MAP1LC3A: variants seen among roughly 807,000 people sequenced by gnomAD.
MAP1LC3A encodes the protein microtubule-associated protein 1 light chain 3 alpha.
A neutral mutation model predicts 15.2 loss-of-function variants in MAP1LC3A; 10 were observed. That is an observed-to-expected ratio of 0.66 (90% CI 0.41 to 1.12). The LOEUF is 1.12. MAP1LC3A is among the 50% of genes most tolerant of loss of function. The pLI is 0.00. For synonymous variants in MAP1LC3A, 63 were observed against 64.3 expected, an observed-to-expected ratio of 0.98 and a Z score of 0.10; for missense variants, 138 against 167.3, an observed-to-expected ratio of 0.82 and a Z score of 0.97.
intron 2 of MAP1LC3A, among the ~76,000 whole-genome samples, chr20:34,551,761 G>GC (rs1796903684): frequency 1.3e-5 from 2 of 152,140 alleles, no homozygotes; most frequent in South Asian, 4.1e-4. Flanking sequence ...ACCGCGCCTG[G>GC]CCATGTTCTC....
chr20:34,550,157 C>A, intron 2 of MAP1LC3A: 1 of 844,390 alleles, frequency 1.2e-6, no homozygotes, highest in Non-Finnish European at 1.9e-6. Flanking sequence ...AAGGCCAGTT[C>A]TCCACTTTTT....
At position 34,559,312 on chromosome 20, in the gene MAP1LC3A, C is replaced by T. The variant is rs533618624; in HGVS notation, c.97-35C>T. On this transcript the variant is annotated intron_variant, in intron 2 of 3. Transcript: ENST00000360668. ...GCCCCGCCCCCGCCTCGCGCGTTCCCGACACGACCCCCTGCCCGCCCGCCC... is the reference window on the plus strand; with the variant it reads ...GCCCCGCCCCCGCCTCGCGCGTTCCTGACACGACCCCCTGCCCGCCCGCCC... 29 of 1,580,290 alleles carry T rather than the reference C, an allele frequency of 1.8e-5. No individual in the cohort carries two copies. The South Asian group carries it at 2.3e-4, about 12-fold the overall frequency.
At chr20:34,552,499 C>CA (rs1198347822) in intron 2 of MAP1LC3A, among the ~76,000 whole-genome samples, 3 of 152,260 alleles carry the variant, frequency 2.0e-5, no homozygotes, top group Non-Finnish European at 4.4e-5. Flanking sequence ...ATGTTCCAGG[C>CA]AAAGGCCCTG....
intron 1 of MAP1LC3A, 35 bp from the exon 2 acceptor site, chr20:34,559,173 C>A (rs113282860): frequency 6.5e-7 from 1 of 1,534,430 alleles, no homozygotes. Context: ...CTGGGCCGGC[C>A]CGACCCGGCC....
upstream of MAP1LC3A, among the ~76,000 whole-genome samples, chr20:34,554,393 T>A (rs6059911): frequency 2.6e-5 from 3 of 113,580 alleles, no homozygotes; most frequent in South Asian, 5.8e-4. Context: ...TTTTTTTTTT[T>A]AGACAAACTC....
chr20:34,551,396 T>G (rs1426203912), intron 2 of MAP1LC3A, among the ~76,000 whole-genome samples: 1 of 150,698 alleles, frequency 6.6e-6, no homozygotes, highest in African/African-American at 2.4e-5. Flanking sequence ...GAAATGAGAA[T>G]AATGATTGCC....
chr20:34,559,953 C>G lies in MAP1LC3A; in HGVS notation c.*55C>G, dbSNP rs1309962955. 1.3e-6 allele frequency: 2 copies of G among 1,547,350 alleles called. No homozygotes were observed. The highest frequency in any genetic ancestry group is 1.7e-6 in the Non-Finnish European group (2 of 1,145,962). ...TCGGGCGGCCCCGGTCAGGCCCTGC[C>G]CAGAGAGCTCCTGGTTCCTGAACTG... is the stretch of plus-strand genomic sequence containing the variant. On this transcript the variant is annotated 3_prime_UTR_variant, in exon 4 of 4. Coordinates refer to ENST00000360668, the MANE Select transcript of MAP1LC3A (RefSeq NM_032514.4).
chr20:34,557,766 A>G (rs539797157), upstream of MAP1LC3A, among the ~76,000 whole-genome samples: 1 of 152,192 alleles, frequency 6.6e-6, no homozygotes, highest in African/African-American at 2.4e-5. Context: ...CTCTACTAAA[A>G]ATACAATAAT....
rs1982353506 is a variant in MAP1LC3A at position 34,559,657 on chromosome 20, G to A, written c.204-79G>A. The stretch of plus-strand genomic sequence containing the variant: ...GGGTGAGAATGGGTGTGAAAGGCTG[G>A]GAATCATTCTGGGGGTCAGGGCTAT... On this transcript the variant is annotated intron_variant, in intron 3 of 3. Coordinates refer to ENST00000360668, the MANE Select transcript of MAP1LC3A (RefSeq NM_032514.4). The A allele has an allele frequency of 8.9e-6, 13 of 1,457,138 alleles. 1 individual carries two copies. The South Asian group carries it at 1.5e-4, about 17-fold the overall frequency. The allele number at this position is 1,457,138 out of a possible 1,614,324, so 90.3% of individuals were successfully genotyped here. A position where few individuals can be genotyped will look rare whatever the true frequency, so the allele number is the denominator to read the frequency against.
chr20:34,549,752 G>A (rs1212597944), intron 1 of MAP1LC3A, among the ~76,000 whole-genome samples: 1 of 152,106 alleles, frequency 6.6e-6, no homozygotes, highest in Non-Finnish European at 1.5e-5. Context: ...TCCAGGTGTT[G>A]CCATGGCAAT....
At chr20:34,559,136 C>T in intron 1 of MAP1LC3A, 72 bp from the exon 2 acceptor site, 3 of 1,411,570 alleles carry the variant, frequency 2.1e-6, no homozygotes, top group South Asian at 1.5e-5. Context: ...GGCCGGGGGC[C>T]GCCCCTCCGG....
upstream of MAP1LC3A, chr20:34,558,498 G>A (rs905272214): frequency 4.8e-6 from 5 of 1,043,240 alleles, no homozygotes; most frequent in African/African-American, 3.4e-5. This position sits in a 1 kb window ranked among gnomAD's most constrained non-coding sequence, Gnocchi z 4.3. Flanking sequence ...ACCGCCCTCC[G>A]GGCCTTACCT....
Position 34,559,468 on chromosome 20 carries a change from G to T in MAP1LC3A, c.203+15G>T. ...AAGATCATCCGGTGCGTGGGCAGCC[G>T]CCGCCAGGAGGTGGCTAGGGTCGGG... is the stretch of plus-strand genomic sequence containing the variant. On this transcript the variant is annotated intron_variant, in intron 3 of 3. Coordinates refer to ENST00000360668, the MANE Select transcript of MAP1LC3A (RefSeq NM_032514.4). 6.2e-7 allele frequency: 1 copy of T among 1,603,664 alleles called. No homozygotes were observed. The highest frequency in any genetic ancestry group is 2.2e-5 in the East Asian group (1 of 44,616).
Position 34,558,936 on chromosome 20 carries a change from T to G in MAP1LC3A, c.40+28T>G. Reference sequence around the variant, plus strand: ...GAGGCCCGGCAGGCGAGCTGCGAGCTCTGGGGCAGGGGTGCCGGCCGACCC... The same window carrying G: ...GAGGCCCGGCAGGCGAGCTGCGAGCGCTGGGGCAGGGGTGCCGGCCGACCC... On this transcript the variant is annotated intron_variant, in intron 1 of 3. Coordinates refer to ENST00000360668, the MANE Select transcript of MAP1LC3A (RefSeq NM_032514.4). This position sits in a 1 kb window ranked among gnomAD's most constrained non-coding sequence, Gnocchi z 4.3. 7.3e-7 allele frequency: 1 copy of G among 1,376,258 alleles called. No individual in the cohort carries two copies. The highest frequency in any genetic ancestry group is 9.3e-7 in the Non-Finnish European group (1 of 1,069,556). The allele number at this position is 1,376,258 out of a possible 1,614,324, so 85.3% of individuals were successfully genotyped here. A position where few individuals can be genotyped will look rare whatever the true frequency, so the allele number is the denominator to read the frequency against.
At chr20:34,555,713 G>A (rs1982128756), upstream of MAP1LC3A, among the ~76,000 whole-genome samples, 1 of 151,352 alleles carries the variant, frequency 6.6e-6, no homozygotes, top group Non-Finnish European at 1.5e-5. Flanking sequence ...ATGCAGAGCT[G>A]CAATCACAGC....
intron 3 of MAP1LC3A, 78 bp from the exon 4 acceptor site, chr20:34,559,658 G>GAATC (rs1473282813): frequency 1.2e-5 from 18 of 1,461,626 alleles, no homozygotes; most frequent in African/African-American, 9.9e-5. Flanking sequence ...GAAAGGCTGG[G>GAATC]AATCATTCTG....
intron 2 of MAP1LC3A, among the ~76,000 whole-genome samples, chr20:34,552,387 T>C (rs1981980792): frequency 6.6e-6 from 1 of 152,210 alleles, no homozygotes; most frequent in Non-Finnish European, 1.5e-5. Flanking sequence ...CATAATGAAA[T>C]GCCCAGAAAA....
chr20:34,559,503 G>A, intron 3 of MAP1LC3A, 50 bp downstream of exon 3: 2 of 1,531,958 alleles, frequency 1.3e-6, no homozygotes, highest in Admixed American at 3.6e-5. Context: ...GAGGGGAGCC[G>A]GGTTCCCGCC....
In MAP1LC3A at chr20:34,558,863, C is replaced by T. The variant is rs1330502083; in HGVS notation, c.-6C>T. ...CCCGGCCTGCGCGCCCAGCCGGGCCCGCGCGATGCCCTCAGACCGGCCTTT... is the reference window on the plus strand; with the variant it reads ...CCCGGCCTGCGCGCCCAGCCGGGCCTGCGCGATGCCCTCAGACCGGCCTTT... On this transcript the variant is annotated 5_prime_UTR_variant, in exon 1 of 4. Coordinates refer to ENST00000360668, the MANE Select transcript of MAP1LC3A (RefSeq NM_032514.4). The surrounding 1 kb of genome is among the most constrained non-coding windows in gnomAD (Gnocchi z 4.3). 2 of 1,438,798 alleles carry T rather than the reference C, an allele frequency of 1.4e-6. No individual in the cohort carries two copies. Among genetic ancestry groups the T allele is most frequent in the African/African-American group, 1.5e-5 (1 of 67,162 alleles). The allele number at this position is 1,438,798 out of a possible 1,614,324, so 89.1% of individuals were successfully genotyped here.
Sources: allele counts gnomAD v4.1 joint callset (sites outside exome capture counted in the v4.1 genomes callset), GRCh38; gene constraint gnomAD v4.1.1; non-coding constraint Gnocchi (gnomAD v3.1); transcripts MANE v1.5; gene names NCBI Gene and HGNC (gene_info 2026-07-23, HGNC 2026-07-21).